Variants in STON2 observed in about 807,000 individuals in gnomAD.
STON2 encodes stonin 2, also known as stonin-2.
Under a neutral mutation model 65.7 loss-of-function variants are expected in STON2, and 29 were observed. The observed-to-expected ratio is 0.44, with a 90% CI of 0.33 to 0.60. The LOEUF (loss-of-function observed/expected upper bound fraction) is 0.60. Among genes scored for constraint, STON2 ranks in the 20% least tolerant of loss-of-function variants. The pLI is 0.03. For missense variants in STON2, 1,054 were observed against 1,118.1 expected (o/e 0.94, Z 0.82); for synonymous variants, 404 against 414.2 (o/e 0.98, Z 0.30).
intron 4 of STON2, among the ~76,000 whole-genome samples, chr14:81,334,976 T>C (rs1418418561): frequency 6.6e-6 from 1 of 151,772 alleles, no homozygotes; most frequent in Non-Finnish European, 1.5e-5. Flanking sequence ...TAGCTGAGGC[T>C]ACAGCCACAC....
intron 4 of STON2, among the ~76,000 whole-genome samples, chr14:81,358,215 T>C (rs1448773263): frequency 6.6e-6 from 1 of 151,940 alleles, no homozygotes; most frequent in African/African-American, 2.4e-5. Context: ...TAAAATAAAT[T>C]GTCAAAGGAT....
At chr14:81,428,357 C>A (rs143777333) in intron 1 of STON2, among the ~76,000 whole-genome samples, 89 of 152,318 alleles carry the variant, frequency 5.8e-4, no homozygotes, top group African/African-American at 2.0e-3. Context: ...TAACTGGATA[C>A]GTCTACCAAA....
intron 4 of STON2, among the ~76,000 whole-genome samples, chr14:81,327,960 G>T (rs1164233205): frequency 2.0e-5 from 3 of 152,134 alleles, no homozygotes; most frequent in African/African-American, 7.2e-5. Flanking sequence ...CTTTGGTCAA[G>T]GCTTTTCATC....
At position 81,273,289 on chromosome 14, in the gene STON2, T is replaced by C. The variant is rs190000339; in HGVS notation, c.2582-2417A>G. 2.0e-5 allele frequency among the ~76,000 whole-genome samples: 3 copies of C among 152,318 alleles called. No homozygotes were observed. In the East Asian group the frequency reaches 5.8e-4, roughly 29 times the overall value. ...ATTTTGAAAGCTATTATGGTTTAAT[T>C]CATAGTAATGCATTAAATAAGTCCA... On this transcript the variant is annotated intron_variant, in intron 6 of 7. Coordinates refer to ENST00000614646, the MANE Select transcript of STON2 (RefSeq NM_001394390.1).
chr14:81,424,344 T>C (rs1396725084), intron 2 of STON2, among the ~76,000 whole-genome samples: 1 of 152,070 alleles, frequency 6.6e-6, no homozygotes, highest in Non-Finnish European at 1.5e-5. Context: ...CTTGGGAGGC[T>C]GAGGCAAGAG....
At position 81,276,841 on chromosome 14, in the gene STON2, T is replaced by C. The variant is rs1894840578; in HGVS notation, c.2581+60A>G. On this transcript the variant is annotated intron_variant, in intron 6 of 7. Transcript: ENST00000614646. ...AGCACTTCATACAGGATGTGGAACT[T>C]TGATCTCAGCTTTTTCACAACTGTA... The C allele has an allele frequency of 4.1e-5, 64 of 1,547,900 alleles. No homozygotes were observed. In the South Asian group the frequency reaches 7.3e-4, roughly 18 times the overall value.
Position 81,266,936 on chromosome 14 carries a change from T to A in STON2, c.*1478A>T. On this transcript the variant is annotated 3_prime_UTR_variant, in exon 8 of 8. Coordinates refer to ENST00000614646, the MANE Select transcript of STON2 (RefSeq NM_001394390.1). ...TGCCTATTCAATCATCATTTTACTT[T>A]CAGTCTTAGTTCAGATATTTCAAAA... The A allele has an allele frequency of 1.0e-6, 1 of 984,938 alleles. No individual in the cohort carries two copies. Among genetic ancestry groups the A allele is most frequent in the Non-Finnish European group, 1.2e-6 (1 of 829,462 alleles). The allele number at this position is 984,938 out of a possible 1,614,324, so 61.0% of individuals were successfully genotyped here.
intron 4 of STON2, among the ~76,000 whole-genome samples, chr14:81,352,276 G>A (rs1898053637): frequency 6.6e-6 from 1 of 152,110 alleles, no homozygotes; most frequent in African/African-American, 2.4e-5. Context: ...TAAGATATCT[G>A]TCACAACTAT....
At chr14:81,324,263 A>G (rs1430432628) in intron 4 of STON2, among the ~76,000 whole-genome samples, 76 bp from the exon 5 acceptor site, 1 of 152,214 alleles carries the variant, frequency 6.6e-6, no homozygotes, top group Non-Finnish European at 1.5e-5. Flanking sequence ...AGACACACCC[A>G]GGAGGAGGGA....
At chr14:81,305,152 T>C (rs1896121992) in intron 5 of STON2, among the ~76,000 whole-genome samples, 1 of 152,282 alleles carries the variant, frequency 6.6e-6, no homozygotes, top group East Asian at 1.9e-4. Context: ...ATTGTGTGAA[T>C]GTGACACAAT....
intron 4 of STON2, among the ~76,000 whole-genome samples, chr14:81,326,099 G>A (rs1566909856): frequency 6.6e-6 from 1 of 152,188 alleles, no homozygotes; most frequent in Non-Finnish European, 1.5e-5. Flanking sequence ...TATGCACCCA[G>A]CACACAAGAA....
intron 4 of STON2, among the ~76,000 whole-genome samples, chr14:81,356,414 A>G (rs1458774142): frequency 2.0e-5 from 3 of 152,194 alleles, no homozygotes; most frequent in Non-Finnish European, 4.4e-5. Flanking sequence ...GTTTGCCAGT[A>G]TTTTATTGAG....
chr14:81,346,431 T>C, intron 4 of STON2, among the ~76,000 whole-genome samples: 1 of 152,244 alleles, frequency 6.6e-6, no homozygotes, highest in African/African-American at 2.4e-5. Context: ...AAAGGATGTA[T>C]GATCTAAAAC....
At chr14:81,372,644 G>A (rs1337952371) in intron 3 of STON2, among the ~76,000 whole-genome samples, 4 of 151,150 alleles carry the variant, frequency 2.6e-5, no homozygotes, top group African/African-American at 9.7e-5. Flanking sequence ...AGATAAGACA[G>A]GAAGAATGAA....
At chr14:81,400,598 T>G (rs1324929836), upstream of STON2, among the ~76,000 whole-genome samples, 1 of 150,460 alleles carries the variant, frequency 6.6e-6, no homozygotes, top group Non-Finnish European at 1.5e-5. Flanking sequence ...AAGTCATGGA[T>G]AAGTGGGGTA....
chr14:81,373,748 T>C (rs7492313), intron 3 of STON2, among the ~76,000 whole-genome samples: 76,266 of 151,936 alleles, frequency 0.5, 19,643 homozygotes, highest in East Asian at 0.73. Context: ...TTCCTAAAAG[T>C]CTTAAAGGGT....
chr14:81,325,249 A>G (rs1265462993), intron 4 of STON2, among the ~76,000 whole-genome samples: 2 of 152,222 alleles, frequency 1.3e-5, no homozygotes, highest in Non-Finnish European at 2.9e-5. Flanking sequence ...GTTTCTAGTA[A>G]GTGCAATAAA....
intron 4 of STON2, among the ~76,000 whole-genome samples, chr14:81,331,503 G>C (rs1003010982): frequency 6.6e-6 from 1 of 152,030 alleles, no homozygotes; most frequent in Non-Finnish European, 1.5e-5. Flanking sequence ...ACTACTGGGA[G>C]GGGGGGTACA....
intron 6 of STON2, among the ~76,000 whole-genome samples, chr14:81,275,376 G>A (rs920287427): frequency 2.0e-5 from 3 of 152,008 alleles, no homozygotes; most frequent in Non-Finnish European, 2.9e-5. Flanking sequence ...TCACCTTCCC[G>A]ACCTTAATTT....
Sources: allele counts gnomAD v4.1 joint callset (sites outside exome capture counted in the v4.1 genomes callset), GRCh38; gene constraint gnomAD v4.1.1; transcripts MANE v1.5; gene names NCBI Gene and HGNC (gene_info 2026-07-23, HGNC 2026-07-21).